Variants in ABCB11 observed in about 807,000 individuals in gnomAD.
ABCB11 encodes ATP binding cassette subfamily B member 11.
A neutral mutation model predicts 148.0 loss-of-function variants in ABCB11; 95 were observed. The ratio of observed to expected loss-of-function variants is 0.64; its 90% CI spans 0.54 to 0.76. The LOEUF (loss-of-function observed/expected upper bound fraction) is 0.76, where lower values mean the gene tolerates loss of function less well. Ranked by LOEUF, ABCB11 falls within the 30% of genes least tolerant of loss-of-function variation. The pLI is 0.00. For missense variants in ABCB11, 1,523 were observed against 1,617.8 expected (o/e 0.94, Z 1.01); for synonymous variants, 591 against 555.4 (o/e 1.06, Z -0.90).
At chr2:168,944,826 A>G in intron 20 of ABCB11, 31 bp downstream of exon 20, 1 of 1,606,994 alleles carries the variant, frequency 6.2e-7, no homozygotes, top group Non-Finnish European at 8.5e-7. Flanking sequence ...AAAAATAACT[A>G]AATCACTTAC....
intron 17 of ABCB11, among the ~76,000 whole-genome samples, chr2:168,965,899 A>C (rs1340508553): frequency 6.6e-6 from 1 of 151,810 alleles, no homozygotes; most frequent in East Asian, 1.9e-4. Flanking sequence ...ATTTTCTGTT[A>C]ATGGCACTTC....
Position 168,948,793 on chromosome 2 carries a change from A to C in ABCB11, c.2344-3832T>G, listed in dbSNP as rs552244649. ...CCGATTCTCTACCTTTCTGAAATTA[A>C]TGTGATTTCTTCACTTACCACAAGG... On this transcript the variant is annotated intron_variant, in intron 19 of 27. Transcript: ENST00000650372. Among the ~76,000 whole-genome samples the C allele has an allele frequency of 3.0e-4, 45 of 151,878 alleles. No individual in the cohort carries two copies. In the Middle Eastern group the frequency reaches 0.01, roughly 34 times the overall value.
intron 5 of ABCB11, among the ~76,000 whole-genome samples, chr2:169,007,311 A>G (rs900463542): frequency 1.3e-5 from 2 of 152,180 alleles, no homozygotes; most frequent in Non-Finnish European, 2.9e-5. Context: ...GATAGGAATC[A>G]ATTTGGACCC....
At chr2:168,994,477 C>A (rs1430671417) in intron 7 of ABCB11, among the ~76,000 whole-genome samples, 1 of 152,040 alleles carries the variant, frequency 6.6e-6, no homozygotes, top group Non-Finnish European at 1.5e-5. Flanking sequence ...CTTTTTGTGG[C>A]TCAATTTTCT....
chr2:168,978,691 T>A (rs909127496), intron 11 of ABCB11, among the ~76,000 whole-genome samples: 6 of 151,600 alleles, frequency 4.0e-5, no homozygotes, highest in African/African-American at 9.7e-5. Context: ...AACAACAGAT[T>A]GCCAACTTCC....
chr2:168,982,096 C>A (rs1383719063), intron 10 of ABCB11, among the ~76,000 whole-genome samples: 1 of 152,104 alleles, frequency 6.6e-6, no homozygotes, highest in East Asian at 1.9e-4. Flanking sequence ...TATTCTTTAG[C>A]CCTGTGAACA....
rs1220311102 is a variant in ABCB11, at chr2:169,026,031, T to C, written c.-28+5194A>G. Among the ~76,000 whole-genome samples, 10 of 152,330 alleles carry C rather than the reference T, an allele frequency of 6.6e-5. No individual in the cohort carries two copies. The South Asian group carries it at 2.1e-3, about 32-fold the overall frequency. ...GACTAGATAAAGAAATAACAGCCATTCATTTAGCAAGGTGTTTGGTATTTT... is the reference window on the plus strand; with the variant it reads ...GACTAGATAAAGAAATAACAGCCATCCATTTAGCAAGGTGTTTGGTATTTT... On this transcript the variant is annotated intron_variant, in intron 1 of 27. Transcript: ENST00000650372.
At chr2:168,931,414 A>G (rs899101467) in intron 24 of ABCB11, among the ~76,000 whole-genome samples, 4 of 152,210 alleles carry the variant, frequency 2.6e-5, no homozygotes, top group South Asian at 2.1e-4. Flanking sequence ...AATTTTACCA[A>G]TTTAGAAAGA....
chr2:168,963,436 C>T (rs757066863), intron 18 of ABCB11, among the ~76,000 whole-genome samples: 4 of 151,650 alleles, frequency 2.6e-5, no homozygotes, highest in African/African-American at 4.8e-5. Context: ...GGGGAATGAA[C>T]GTAAAAGTAT....
At chr2:168,968,319 A>C in intron 17 of ABCB11, 108 bp downstream of exon 17, 2 of 1,000,452 alleles carry the variant, frequency 2.0e-6, no homozygotes, top group South Asian at 1.4e-5. Flanking sequence ...CTGGCAGTCT[A>C]CTCAGAGTTT....
At position 169,013,264 on chromosome 2, in the gene ABCB11, C is replaced by T. The variant is rs11568363; in HGVS notation, c.389+8G>A. The T allele has an allele frequency of 0.018, 28,869 of 1,583,062 alleles. 357 individuals carry two copies. The highest frequency in any genetic ancestry group is 0.042 in the African/African-American group (3,075 of 73,522). ...AAAAGTAAAAAATTAAAAACAAAAA[C>T]AACCTACCCACAACGTGTTCCATTT... On this transcript the variant is annotated splice_region_variant and intron_variant, in intron 5 of 27. Coordinates refer to ENST00000650372, the MANE Select transcript of ABCB11 (RefSeq NM_003742.4).
rs1210823346 is a variant in ABCB11, at chr2:168,923,208, C to T, written c.*414G>A. ...GTTTGTTGATTGCCTGTTATAGACC[C>T]GCCTCTGTGTACACCGAGGGTTCAA... On this transcript the variant is annotated 3_prime_UTR_variant, in exon 28 of 28. Coordinates refer to ENST00000650372, the MANE Select transcript of ABCB11 (RefSeq NM_003742.4). 3 of 178,760 alleles carry T rather than the reference C, an allele frequency of 1.7e-5. No individual in the cohort carries two copies. Among genetic ancestry groups the T allele is most frequent in the African/African-American group, 2.4e-5 (1 of 42,396 alleles). The allele number at this position is 178,760 out of a possible 1,614,324, so 11.1% of individuals were successfully genotyped here.
In ABCB11 at chr2:168,965,711, T is replaced by G. The variant is rs3770583; in HGVS notation, c.2076-1403A>C. Among the ~76,000 whole-genome samples, 457 of 151,932 alleles carry G rather than the reference T, an allele frequency of 3.0e-3. 9 individuals are homozygous for G. In the East Asian group the frequency reaches 0.062, roughly 21 times the overall value. On this transcript the variant is annotated intron_variant, in intron 17 of 27. Transcript: ENST00000650372. ...GAGAGATGTGAGTGATGAGGAGACC[T>G]GCATCAACTGTTTTAGTGCCATCTA...
At chr2:168,981,406 T>G (rs1220180443) in intron 10 of ABCB11, among the ~76,000 whole-genome samples, 1 of 152,168 alleles carries the variant, frequency 6.6e-6, no homozygotes, top group African/African-American at 2.4e-5. Context: ...AGGCAGATTA[T>G]GTAATCTTTC....
intron 5 of ABCB11, among the ~76,000 whole-genome samples, chr2:168,998,113 T>C (rs902712627): frequency 1.3e-5 from 2 of 152,044 alleles, no homozygotes; most frequent in South Asian, 2.1e-4. Flanking sequence ...TCAGAGGCTC[T>C]TATAAAAGCT....
Position 168,936,484 on chromosome 2 carries a change from C to T in ABCB11, c.2611-51G>A, listed in dbSNP as rs111318289. On this transcript the variant is annotated intron_variant, in intron 21 of 27. Transcript: ENST00000650372. Reference sequence around the variant, plus strand: ...GTCTCAGACACACAGTCGCTTTTACCAATTACCATTACACAAAAAGGTCAG... The same window carrying T: ...GTCTCAGACACACAGTCGCTTTTACTAATTACCATTACACAAAAAGGTCAG... 300 of 1,559,834 alleles carry T rather than the reference C, an allele frequency of 1.9e-4. 3 individuals carry two copies. In the African/African-American group the frequency reaches 3.7e-3, roughly 19 times the overall value.
Position 168,923,783 on chromosome 2 carries a change from TC to T in ABCB11, c.3804del (p.Thr1269ProfsTer26), listed in dbSNP as rs1231877314. 8.7e-6 allele frequency: 14 copies of T among 1,613,922 alleles called. No homozygotes were observed. Among genetic ancestry groups the T allele is most frequent in the Non-Finnish European group, 1.0e-5 (12 of 1,179,882 alleles). ...AAGCGATGGGCAATGACAATGCAGG[TC>T]CGACCCTCTCTGGCTTTGTCTAGAG... is the stretch of plus-strand genomic sequence containing the variant. Reference protein sequence around the residue: ...QVALDKAREGRTCIVIAHRLS... With the variant: ...QVALDKAREGXTCIVIAHRLS... On this transcript the variant is annotated frameshift_variant, in exon 28 of 28. Transcript: ENST00000650372. LOFTEE classifies it high-confidence loss of function.
chr2:168,974,237 C>A (rs1693717178), intron 12 of ABCB11, among the ~76,000 whole-genome samples: 1 of 151,862 alleles, frequency 6.6e-6, no homozygotes, highest in Admixed American at 6.6e-5. Flanking sequence ...AAATATAGTA[C>A]TAATTTACTG....
rs781184336 is a variant in ABCB11, at chr2:168,976,634, C to T, written c.1251G>A (p.Lys417=). The part of the protein sequence containing the change: ...SEDGYKLDRI[K]GEIEFHNVTF... ...TCACATTATGGAATTCAATTTCACC[C>T]TTGATTCGATCCAACTTGTAACCAT... The change falls in exon 12 of 28, where the codon AAG becomes AAA. Residue 417 remains lysine, a synonymous_variant. Transcript: ENST00000650372. The T allele has an allele frequency of 3.7e-6, 6 of 1,610,666 alleles. No individual in the cohort carries two copies. In the African/African-American group the frequency reaches 6.7e-5, roughly 18 times the overall value.
Sources: allele counts gnomAD v4.1 joint callset (sites outside exome capture counted in the v4.1 genomes callset), GRCh38; gene constraint gnomAD v4.1.1; transcripts MANE v1.5; gene names NCBI Gene and HGNC (gene_info 2026-07-23, HGNC 2026-07-21).